RHBDD1: variants seen among roughly 807,000 people sequenced by gnomAD.
The protein encoded by RHBDD1 is rhomboid domain containing 1.
A neutral mutation model predicts 36.3 loss-of-function variants in RHBDD1; 38 were observed. The observed-to-expected ratio is 1.05, with a 90% confidence interval of 0.81 to 1.37. The LOEUF (loss-of-function observed/expected upper bound fraction) is 1.37, where lower values mean the gene tolerates loss of function less well. RHBDD1 is among the 40% of genes most tolerant of loss of function. The pLI is 0.00. For synonymous variants in RHBDD1, 151 were observed against 136.5 expected, an observed-to-expected ratio of 1.11 and a Z score of -0.74; for missense variants, 393 against 377.6, an observed-to-expected ratio of 1.04 and a Z score of -0.34.
At chr2:226,814,894 G>T in the RHBDD1 span, among the ~76,000 whole-genome samples, 1 of 152,196 alleles carries the variant, frequency 6.6e-6, no homozygotes, top group Non-Finnish European at 1.5e-5. Flanking sequence ...AGGTGGCCAA[G>T]ACAGGTGCTG....
intron 3 of RHBDD1, among the ~76,000 whole-genome samples, chr2:226,852,493 T>C (rs1942904038): frequency 6.6e-6 from 1 of 151,858 alleles, no homozygotes; most frequent in Admixed American, 6.6e-5. Context: ...CCCAGAGAGC[T>C]CTCTTGCTCT....
At chr2:226,947,270 G>T (rs1329034960) in intron 8 of RHBDD1, among the ~76,000 whole-genome samples, 1 of 151,286 alleles carries the variant, frequency 6.6e-6, no homozygotes, top group African/African-American at 2.4e-5. Context: ...ATCTTGAATT[G>T]ATTTTTGTAT....
intron 8 of RHBDD1, chr2:226,988,532 G>A: frequency 6.8e-7 from 1 of 1,467,762 alleles, no homozygotes; most frequent in South Asian, 1.5e-5. Flanking sequence ...TGCCCGCACT[G>A]TGCCAGGCTG....
chr2:226,947,787 A>G (rs1951091559), intron 8 of RHBDD1, among the ~76,000 whole-genome samples: 1 of 152,178 alleles, frequency 6.6e-6, no homozygotes, highest in South Asian at 2.1e-4. Context: ...AAAAGAGGAC[A>G]TTTATGCAGC....
intron 5 of RHBDD1, 104 bp downstream of exon 5, chr2:226,867,422 T>C (rs1361540009): frequency 5.3e-6 from 7 of 1,313,234 alleles, no homozygotes; most frequent in Non-Finnish European, 5.2e-6. Context: ...CAGTGAGGTT[T>C]ATTCTTTATC....
intron 8 of RHBDD1, among the ~76,000 whole-genome samples, chr2:226,962,327 G>T (rs941155810): frequency 6.6e-6 from 1 of 152,204 alleles, no homozygotes; most frequent in Admixed American, 6.5e-5. Flanking sequence ...AAGTCTTTGC[G>T]TCTTTCCAAG....
intron 3 of RHBDD1, among the ~76,000 whole-genome samples, chr2:226,844,774 G>A (rs566994846): frequency 9.8e-5 from 15 of 152,286 alleles, no homozygotes; most frequent in South Asian, 4.1e-4. Context: ...ACACTAAACC[G>A]TGTGGTTTAT....
At chr2:226,857,916 T>A (rs535330018) in intron 3 of RHBDD1, among the ~76,000 whole-genome samples, 9 of 152,328 alleles carry the variant, frequency 5.9e-5, no homozygotes, top group African/African-American at 2.2e-4. Flanking sequence ...TTGAATTTTA[T>A]GGTATGTGAG....
chr2:226,944,479 C>A (rs560291410), intron 8 of RHBDD1, among the ~76,000 whole-genome samples: 1 of 152,094 alleles, frequency 6.6e-6, no homozygotes, highest in Admixed American at 6.6e-5. Flanking sequence ...AATAATGAGA[C>A]CGCAGGAGCA....
rs1329170142 is a variant in RHBDD1 at position 226,967,330 on chromosome 2, G to A, written c.857-28101G>A. Among the ~76,000 whole-genome samples the A allele has an allele frequency of 5.3e-5, 8 of 152,128 alleles. 1 individual carries two copies. The highest frequency in any genetic ancestry group is 5.2e-4 in the Admixed American group (8 of 15,272). On this transcript the variant is annotated intron_variant, in intron 8 of 8. Transcript: ENST00000392062. ...TAAGTACTTGTTGAATTAATAAAGA[G>A]ATTATATAAATCAGCCTGAATAAAA... is the stretch of plus-strand genomic sequence containing the variant.
the RHBDD1 span, among the ~76,000 whole-genome samples, chr2:226,823,367 T>G: frequency 1.3e-5 from 2 of 152,290 alleles, no homozygotes; most frequent in East Asian, 3.9e-4. Context: ...CACAGTCAAT[T>G]TGCACTGTTT....
Position 226,921,714 on chromosome 2 carries a change from G to C in RHBDD1, c.856+7363G>C, listed in dbSNP as rs139290078. On this transcript the variant is annotated intron_variant, in intron 8 of 8. Coordinates refer to ENST00000392062, the MANE Select transcript of RHBDD1 (RefSeq NM_001167608.3). ...AGAGATGATACTTGATATAATTTCAGTTTTTTTCAACTTTTTAATATACTT... is the reference window on the plus strand; with the variant it reads ...AGAGATGATACTTGATATAATTTCACTTTTTTTCAACTTTTTAATATACTT... Among the ~76,000 whole-genome samples the C allele has an allele frequency of 1.4e-4, 21 of 152,004 alleles. No individual in the cohort carries two copies. In the East Asian group the frequency reaches 3.9e-3, roughly 28 times the overall value.
In RHBDD1 at chr2:226,865,020, C is replaced by G; in HGVS notation, c.327C>G (p.Thr109=). Residue 109 remains threonine (T), a synonymous_variant, in exon 4 of 9, where the codon ACC becomes ACG. Coordinates refer to ENST00000392062, the MANE Select transcript of RHBDD1 (RefSeq NM_001167608.3). The part of the protein sequence containing the change: ...LGSRWFAYVI[T]AFSVLTGVVY... ...GTAGATGGTTTGCCTATGTTATCAC[C>G]GCATTTTCTGTACTTACTGGAGTGG... The G allele has an allele frequency of 5.6e-6, 9 of 1,614,164 alleles. No homozygotes were observed. The highest frequency in any genetic ancestry group is 7.6e-6 in the Non-Finnish European group (9 of 1,180,018).
chr2:226,852,845 TG>T (rs1170081177), intron 3 of RHBDD1, among the ~76,000 whole-genome samples: 1 of 150,816 alleles, frequency 6.6e-6, no homozygotes, highest in African/African-American at 2.4e-5. Flanking sequence ...GTGATCCTCC[TG>T]CCTCAGCCTC....
intron 8 of RHBDD1, among the ~76,000 whole-genome samples, chr2:226,972,750 T>C (rs1226891773): frequency 6.6e-6 from 1 of 152,184 alleles, no homozygotes; most frequent in Non-Finnish European, 1.5e-5. Context: ...GGCTCTCTGC[T>C]CACACTCGGC....
At chr2:226,958,835 A>G (rs1951976291) in intron 8 of RHBDD1, among the ~76,000 whole-genome samples, 1 of 151,918 alleles carries the variant, frequency 6.6e-6, no homozygotes, top group South Asian at 2.1e-4. Context: ...CCCAGTCCCC[A>G]ATCCCTCTTT....
At position 226,988,042 on chromosome 2, in the gene RHBDD1, C is replaced by G. The variant is rs1375061409; in HGVS notation, c.857-7389C>G. Reference sequence around the variant, plus strand: ...GGGAGAATCCAGCTGCCACCATTCTCTTAGGATGAAAGTCATAGCAGGTGG... The same window carrying G: ...GGGAGAATCCAGCTGCCACCATTCTGTTAGGATGAAAGTCATAGCAGGTGG... On this transcript the variant is annotated intron_variant, in intron 8 of 8. Coordinates refer to ENST00000392062, the MANE Select transcript of RHBDD1 (RefSeq NM_001167608.3). 1.1e-4 allele frequency among the ~76,000 whole-genome samples: 17 copies of G among 152,174 alleles called. 1 individual carries two copies. The highest frequency in any genetic ancestry group is 7.3e-5 in the Non-Finnish European group (5 of 68,032).
the RHBDD1 span, among the ~76,000 whole-genome samples, chr2:226,829,230 T>G: frequency 0.041 from 6,295 of 152,306 alleles, 445 homozygotes; most frequent in African/African-American, 0.14. Context: ...TTGATCTTTA[T>G]GCCTATTCTT....
At chr2:226,901,406 G>A (rs533312408) in intron 5 of RHBDD1, among the ~76,000 whole-genome samples, 2 of 152,328 alleles carry the variant, frequency 1.3e-5, no homozygotes, top group South Asian at 2.1e-4. Flanking sequence ...TGCAGAAGTA[G>A]AATTGCTGGA....
Sources: allele counts gnomAD v4.1 joint callset (sites outside exome capture counted in the v4.1 genomes callset), GRCh38; gene constraint gnomAD v4.1.1; transcripts MANE v1.5; gene names NCBI Gene and HGNC (gene_info 2026-07-23, HGNC 2026-07-21).